The following DDR1 variants were observed in gnomAD, a reference collection of about 807,000 sequenced individuals.
DDR1 encodes discoidin domain receptor tyrosine kinase 1.
A neutral mutation model predicts 97.4 loss-of-function variants in DDR1; 64 were observed. The ratio of observed to expected loss-of-function variants is 0.66; its 90% CI spans 0.54 to 0.81. The LOEUF is 0.81. Ranked by LOEUF, DDR1 falls within the 30% of genes least tolerant of loss-of-function variation. The probability of loss-of-function intolerance (pLI) is 0.00; values close to 1 mark genes in which losing one functional copy is unlikely to be tolerated. For missense variants in DDR1, 990 were observed against 1,259.6 expected, an observed-to-expected ratio of 0.79 and a Z score of 3.24; for synonymous variants, 458 against 503.7, an observed-to-expected ratio of 0.91 and a Z score of 1.21.
chr6:30,890,925 A>T lies in DDR1; in HGVS notation c.418-48A>T, dbSNP rs375678441. ...GAGCAGCTGGTGGGTGGGAAGTAAG[A>T]TCTGACCTGGACTCCATCCCACCCA... On this transcript the variant is annotated intron_variant, in intron 4 of 17. Coordinates refer to ENST00000376568, the MANE Select transcript of DDR1 (RefSeq NM_001297654.2). The surrounding 1 kb of genome is among the most constrained non-coding windows in gnomAD (Gnocchi z 5.0). 37 of 1,539,184 alleles carry T rather than the reference A, an allele frequency of 2.4e-5. No individual in the cohort carries two copies. In the African/African-American group the frequency reaches 4.5e-4, roughly 19 times the overall value.
rs2150313962 is a variant in DDR1, at chr6:30,890,147, A to G, written c.417+717A>G. On this transcript the variant is annotated intron_variant, in intron 4 of 17. Coordinates refer to ENST00000376568, the MANE Select transcript of DDR1 (RefSeq NM_001297654.2). The surrounding 1 kb of genome is among the most constrained non-coding windows in gnomAD (Gnocchi z 5.0). ...CAGTGGACCTTAGAGCATGTAAATC[A>G]GATACGTCACACCTAGCTGACACCC... Among the ~76,000 whole-genome samples, 1 of 152,272 alleles carries G rather than the reference A, an allele frequency of 6.6e-6. No individual in the cohort carries two copies. Among genetic ancestry groups the G allele is most frequent in the South Asian group, 2.1e-4 (1 of 4,824 alleles).
In DDR1 at chr6:30,897,459, A is replaced by G; in HGVS notation, c.2078A>G (p.Gln693Arg). 1.9e-6 allele frequency: 3 copies of G among 1,614,184 alleles called. No homozygotes were observed. The highest frequency in any genetic ancestry group is 1.3e-5 in the African/African-American group (1 of 75,040). The change falls in exon 15 of 18, where the codon CAG becomes CGG. Residue 693 changes from glutamine (Q) to arginine (R), a missense_variant. Transcript: ENST00000376568. The surrounding 1 kb of genome is among the most constrained non-coding windows in gnomAD (Gnocchi z 5.2). Reference sequence around the variant, plus strand: ...ATTCGGCTGCTGGGCGTGTGTGTGCAGGACGACCCCCTCTGCATGATTACT... The same window carrying G: ...ATTCGGCTGCTGGGCGTGTGTGTGCGGGACGACCCCCTCTGCATGATTACT... ...NIIRLLGVCVQDDPLCMITDY... is the reference protein window; with the variant it reads ...NIIRLLGVCVRDDPLCMITDY...
At position 30,895,482 on chromosome 6, in the gene DDR1, C is replaced by A. The variant is rs150168130; in HGVS notation, c.1592C>A (p.Thr531Lys). 2 of 1,604,614 alleles carry A rather than the reference C, an allele frequency of 1.2e-6. No homozygotes were observed. The highest frequency in any genetic ancestry group is 1.7e-5 in the Admixed American group (1 of 59,600). The change falls in exon 12 of 18, where the codon ACA becomes AAA. Residue 531 changes from threonine to lysine, a missense_variant. Coordinates refer to ENST00000376568, the MANE Select transcript of DDR1 (RefSeq NM_001297654.2). ...ARPPRGPGPP[T>K]PAWAKPTNTQ... The stretch of plus-strand genomic sequence containing the variant: ...CCCCCTCGAGGCCCGGGCCCCCCCA[C>A]ACCCGCCTGGGCCAAACCCACCAAC...
rs1272258730 is a variant in DDR1, at chr6:30,888,863, G to C, written c.86-45G>C. The C allele has an allele frequency of 6.2e-7, 1 of 1,612,984 alleles. No individual in the cohort carries two copies. ...CCTGAGGGCCAGGGCTTGGGAGGTA[G>C]AGAGTTGGGGGCCTTGACCTGTTAC... On this transcript the variant is annotated intron_variant, in intron 2 of 17. Transcript: ENST00000376568. The surrounding 1 kb of genome is among the most constrained non-coding windows in gnomAD (Gnocchi z 4.2).
intron 10 of DDR1, 126 bp downstream of exon 10, chr6:30,893,549 C>T: frequency 1.4e-6 from 2 of 1,447,398 alleles, no homozygotes; most frequent in Admixed American, 2.6e-5. Context: ...AAAGAGACCA[C>T]TTACACCATG....
In DDR1 at chr6:30,898,325, A is replaced by G. The variant is rs747410368; in HGVS notation, c.2451+18A>G. 29 of 1,594,952 alleles carry G rather than the reference A, an allele frequency of 1.8e-5. No homozygotes were observed. In the African/African-American group the frequency reaches 3.4e-4, roughly 18 times the overall value. On this transcript the variant is annotated intron_variant, in intron 16 of 17. Transcript: ENST00000376568. Reference sequence around the variant, plus strand: ...TCCTCATGGTGAGCAGCCCGAGGACAGCCAGGTTGGAGCAGGGCAGGTGGG... The same window carrying G: ...TCCTCATGGTGAGCAGCCCGAGGACGGCCAGGTTGGAGCAGGGCAGGTGGG...
At position 30,891,527 on chromosome 6, in the gene DDR1, C is replaced by CTCTGTGTGTGTGTGTGTGTG. The variant is rs372584534; in HGVS notation, c.665+49_665+50insCTGTGTGTGTGTGTGTGTGT. ...ATGGAGTTTGGGGTGGGAGGGAGGA[C>CTCTGTGTGTGTGTGTGTGTG]TGTGTGTGTGTGTGTGTGTGTGTGT... is the stretch of plus-strand genomic sequence containing the variant. On this transcript the variant is annotated intron_variant, in intron 6 of 17. Transcript: ENST00000376568. This position sits in a 1 kb window ranked among gnomAD's most constrained non-coding sequence, Gnocchi z 5.3. 5.0e-6 allele frequency: 4 copies of CTCTGTGTGTGTGTGTGTGTG among 798,214 alleles called. No homozygotes were observed. The highest frequency in any genetic ancestry group is 2.7e-5 in the East Asian group (1 of 37,304). The allele number at this position is 798,214 out of a possible 1,614,324, so 49.4% of individuals were successfully genotyped here. A position where few individuals can be genotyped will look rare whatever the true frequency, so the allele number is the denominator to read the frequency against.
intron 12 of DDR1, 118 bp downstream of exon 12, chr6:30,895,632 G>A: frequency 3.2e-6 from 2 of 615,418 alleles, no homozygotes; most frequent in East Asian, 3.0e-5. Flanking sequence ...GCTCTCCTGA[G>A]CTCCCAAGGA....
Position 30,894,263 on chromosome 6 carries a change from CAAAA to C in DDR1, c.1348-236_1348-233del, listed in dbSNP as rs540154523. ...ATTCCATCTCAAAAAAACAAACAAA[CAAAA>C]AAAAAACGGTTGATAGTTATGGACT... On this transcript the variant is annotated intron_variant, in intron 10 of 17. Coordinates refer to ENST00000376568, the MANE Select transcript of DDR1 (RefSeq NM_001297654.2). This position sits in a 1 kb window ranked among gnomAD's most constrained non-coding sequence, Gnocchi z 5.7. Among the ~76,000 whole-genome samples the C allele has an allele frequency of 1.4e-5, 2 of 146,514 alleles. No individual in the cohort carries two copies. The highest frequency in any genetic ancestry group is 5.0e-5 in the African/African-American group (2 of 40,064).
In DDR1 at chr6:30,890,919, A is replaced by G; in HGVS notation, c.418-54A>G. On this transcript the variant is annotated intron_variant, in intron 4 of 17. Transcript: ENST00000376568. The surrounding 1 kb of genome is among the most constrained non-coding windows in gnomAD (Gnocchi z 5.0). ...GCCAGGGAGCAGCTGGTGGGTGGGAAGTAAGATCTGACCTGGACTCCATCC... is the reference window on the plus strand; with the variant it reads ...GCCAGGGAGCAGCTGGTGGGTGGGAGGTAAGATCTGACCTGGACTCCATCC... 2 of 1,525,580 alleles carry G rather than the reference A, an allele frequency of 1.3e-6. No individual in the cohort carries two copies. The highest frequency in any genetic ancestry group is 1.3e-5 in the South Asian group (1 of 76,652). The allele number at this position is 1,525,580 out of a possible 1,614,324, so 94.5% of individuals were successfully genotyped here.
Position 30,888,666 on chromosome 6 carries a change from C to G in DDR1, c.-42-22C>G. The G allele has an allele frequency of 6.3e-7, 1 of 1,599,530 alleles. No homozygotes were observed. ...CTCAGTCCCCTGATTAACTTACGCA[C>G]CACCCATTTTATCCCCTGCAGAGAT... On this transcript the variant is annotated intron_variant, in intron 1 of 17. Coordinates refer to ENST00000376568, the MANE Select transcript of DDR1 (RefSeq NM_001297654.2). The surrounding 1 kb of genome is among the most constrained non-coding windows in gnomAD (Gnocchi z 4.2).
At chr6:30,887,539 T>C (rs929049551) in intron 1 of DDR1, among the ~76,000 whole-genome samples, 72 of 152,236 alleles carry the variant, frequency 4.7e-4, no homozygotes, top group African/African-American at 1.7e-3. Context: ...TGGGATATTT[T>C]TTATACTTCT....
Position 30,892,200 on chromosome 6 carries a change from C to T in DDR1, c.852+12C>T, listed in dbSNP as rs190776523. ...TCCAGGCTATGCAGGTGAGTGAGTC[C>T]GGCTCTCGAGGAGGGCTCTGAAGCC... On this transcript the variant is annotated intron_variant, in intron 7 of 17. Coordinates refer to ENST00000376568, the MANE Select transcript of DDR1 (RefSeq NM_001297654.2). The T allele has an allele frequency of 4.3e-6, 7 of 1,613,788 alleles. No individual in the cohort carries two copies. The highest frequency in any genetic ancestry group is 2.2e-5 in the East Asian group (1 of 44,878).
At chr6:30,893,238 C>A in intron 9 of DDR1, 34 bp from the exon 10 acceptor site, 1 of 1,598,514 alleles carries the variant, frequency 6.3e-7, no homozygotes, top group Non-Finnish European at 8.5e-7. Flanking sequence ...AGGGTGGGAC[C>A]CTCCTGTGGT....
At chr6:30,887,984 C>T (rs1005466738) in intron 1 of DDR1, among the ~76,000 whole-genome samples, 4 of 152,156 alleles carry the variant, frequency 2.6e-5, no homozygotes, top group African/African-American at 9.7e-5. Context: ...TTATAATAGA[C>T]ATTGCTAGAT....
chr6:30,897,196 G>A lies in DDR1; in HGVS notation c.1997+55G>A, dbSNP rs1791183761. 6.3e-7 allele frequency: 1 copy of A among 1,598,414 alleles called. No individual in the cohort carries two copies. Among genetic ancestry groups the A allele is most frequent in the Non-Finnish European group, 8.5e-7 (1 of 1,172,600 alleles). On this transcript the variant is annotated intron_variant, in intron 14 of 17. Transcript: ENST00000376568. This position sits in a 1 kb window ranked among gnomAD's most constrained non-coding sequence, Gnocchi z 5.2. The stretch of plus-strand genomic sequence containing the variant: ...GGGAGGGGAGGCCGTGAAGAGTGGG[G>A]AGCCATCTAGAGAGAACAATGGCAG...
chr6:30,889,317 A>G lies in DDR1; in HGVS notation c.304A>G (p.Thr102Ala), dbSNP rs1418125200. 1 of 1,612,602 alleles carries G rather than the reference A, an allele frequency of 6.2e-7. No individual in the cohort carries two copies. The highest frequency in any genetic ancestry group is 1.3e-5 in the African/African-American group (1 of 74,884). The change falls in exon 4 of 18, where the codon ACC (threonine) becomes GCC (alanine). Residue 102 changes from threonine (T) to alanine (A), a missense_variant. Transcript: ENST00000376568. The surrounding 1 kb of genome is among the most constrained non-coding windows in gnomAD (Gnocchi z 4.9). ...QRLHLVALVG[T>A]QGRHAGGLGK... ...ACTGCACCTGGTGGCTCTGGTGGGC[A>G]CCCAGGGACGGCATGCCGGGGGCCT...
upstream of DDR1, chr6:30,883,523 T>C (rs999697438): frequency 5.2e-5 from 8 of 153,498 alleles, no homozygotes; most frequent in Non-Finnish European, 1.0e-4. This position sits in a 1 kb window ranked among gnomAD's most constrained non-coding sequence, Gnocchi z 4.9. Context: ...TGTGTGTGAT[T>C]TTCAGTGTGC....
chr6:30,896,869 A>C lies in DDR1; in HGVS notation c.1869+4A>C, dbSNP rs766047135. On this transcript the variant is annotated splice_donor_region_variant and intron_variant, in intron 13 of 17. Coordinates refer to ENST00000376568, the MANE Select transcript of DDR1 (RefSeq NM_001297654.2). ...TGGCGAGGGCCAGTTTGGGGAGGTA[A>C]GGAGGGTGCCTACCCAGTGTCTGGC... The C allele has an allele frequency of 1.3e-6, 2 of 1,569,858 alleles. No individual in the cohort carries two copies. The highest frequency in any genetic ancestry group is 2.4e-5 in the South Asian group (2 of 83,914).
Sources: gnomAD v4.1 joint callset for allele counts (sites outside exome capture counted in the v4.1 genomes callset) on GRCh38, gnomAD v4.1.1 for gene constraint, Gnocchi (gnomAD v3.1) non-coding constraint, MANE v1.5 for transcripts, NCBI Gene and HGNC (gene_info 2026-07-23, HGNC 2026-07-21) for gene names.